Variants in COL11A1 observed in about 807,000 individuals in gnomAD.
COL11A1 encodes the protein collagen alpha-1(XI) chain.
A neutral mutation model predicts 265.2 loss-of-function variants in COL11A1; 74 were observed. The ratio of observed to expected loss-of-function variants is 0.28; its 90% CI spans 0.23 to 0.34. The LOEUF (loss-of-function observed/expected upper bound fraction) is 0.34. COL11A1 is among the 10% of genes least tolerant of loss of function. The probability of loss-of-function intolerance (pLI) is 1.00; values close to 1 mark genes in which losing one functional copy is unlikely to be tolerated. For missense variants in COL11A1, 2,165 were observed against 2,263.6 expected (o/e 0.96, Z 0.88); for synonymous variants, 816 against 727.6 (o/e 1.12, Z -1.96).
rs772411526 is a variant in COL11A1 at position 103,025,532 on chromosome 1, C to T, written c.979G>A (p.Gly327Arg). ...YQTEAPRHVS[G>R]TNEPNPVEEI... ...TCTATACGTATTACCTCATTTGTCC[C>T]AGAAACATGCCTAGGAGCTTCTGTC... The change falls in exon 7 of 67, where the codon GGG (glycine) becomes AGG (arginine). Residue 327 changes from glycine to arginine, a missense_variant. By Grantham distance (125) the Gly-to-Arg change is moderately radical. Transcript: ENST00000370096. 2 of 1,612,280 alleles carry T rather than the reference C, an allele frequency of 1.2e-6. No homozygotes were observed. Among genetic ancestry groups the T allele is most frequent in the Non-Finnish European group, 1.7e-6 (2 of 1,178,654 alleles).
At chr1:103,044,233 G>A (rs899049549) in intron 4 of COL11A1, among the ~76,000 whole-genome samples, 1 of 150,156 alleles carries the variant, frequency 6.7e-6, no homozygotes, top group African/African-American at 2.5e-5. Context: ...CTGTGGTAAA[G>A]GAAAGTTGCC....
chr1:103,012,341 C>T (rs991147523), intron 14 of COL11A1, 72 bp downstream of exon 14: 4 of 1,114,438 alleles, frequency 3.6e-6, no homozygotes, highest in African/African-American at 3.1e-5. Flanking sequence ...TGCACAATCC[C>T]TGGAAGAAGT....
At chr1:102,939,736 T>C (rs1658526152) in intron 43 of COL11A1, among the ~76,000 whole-genome samples, 1 of 151,910 alleles carries the variant, frequency 6.6e-6, no homozygotes, top group South Asian at 2.1e-4. Context: ...AAAAACAAAA[T>C]AATGGAAAAA....
chr1:102,936,312 A>G (rs1658137928), intron 44 of COL11A1, among the ~76,000 whole-genome samples: 1 of 151,850 alleles, frequency 6.6e-6, no homozygotes, highest in Admixed American at 6.6e-5. Context: ...ATGGAACACT[A>G]ACTTTTACAT....
chr1:102,970,380 AT>A, intron 36 of COL11A1, 108 bp from the exon 37 acceptor site: 2 of 781,248 alleles, frequency 2.6e-6, no homozygotes, highest in Non-Finnish European at 4.2e-6. Flanking sequence ...TCCATTAGCT[AT>A]TTTACTTTGC....
rs200465040 is a variant in COL11A1 at position 102,914,733 on chromosome 1, G to A, written c.3895C>T (p.Pro1299Ser). The A allele has an allele frequency of 1.9e-6, 3 of 1,613,026 alleles. No individual in the cohort carries two copies. The highest frequency in any genetic ancestry group is 1.7e-5 in the Admixed American group (1 of 59,934). Residue 1299 changes from proline (P) to serine (S), a missense_variant, in exon 51 of 67, where the codon CCA becomes TCA. Transcript: ENST00000370096. ...AAGPPGAKGP[P>S]GDDGPKGNPG... ...TTACCCTTAGGGCCATCATCACCTG[G>A]TGGCCCCTTGGCACCTGGAGGTCCA...
At position 102,898,713 on chromosome 1, in the gene COL11A1, C is replaced by A; in HGVS notation, c.4201G>T (p.Ala1401Ser). 1.2e-6 allele frequency: 2 copies of A among 1,612,930 alleles called. No homozygotes were observed. ...AGACCTTCTGGACCAGGCTTTCCTG[C>A]AGGTCCCTGAGGACCGACTGGGCCG... ...KTGPVGPQGP[A>S]GKPGPEGLRG... Residue 1401 changes from alanine to serine, a missense_variant, in exon 56 of 67, where the codon GCA (alanine) becomes TCA (serine). Transcript: ENST00000370096.
intron 2 of COL11A1, among the ~76,000 whole-genome samples, chr1:103,081,359 A>T (rs977778139): frequency 1.3e-5 from 2 of 151,856 alleles, no homozygotes; most frequent in Non-Finnish European, 2.9e-5. Context: ...TTTTCTATTA[A>T]GGATGCTTTA....
At chr1:102,999,600 A>G (rs1177395281) in intron 24 of COL11A1, among the ~76,000 whole-genome samples, 2 of 151,812 alleles carry the variant, frequency 1.3e-5, no homozygotes, top group Non-Finnish European at 2.9e-5. Context: ...ATAATATATT[A>G]TCTATTTTAG....
intron 54 of COL11A1, among the ~76,000 whole-genome samples, chr1:102,904,985 A>G (rs1653739182): frequency 6.6e-6 from 1 of 152,082 alleles, no homozygotes; most frequent in South Asian, 2.1e-4. Flanking sequence ...AATGTCTGAC[A>G]ACAATAGACT....
intron 47 of COL11A1, among the ~76,000 whole-genome samples, chr1:102,922,946 T>C (rs1656159528): frequency 6.6e-6 from 1 of 152,210 alleles, no homozygotes; most frequent in Non-Finnish European, 1.5e-5. Context: ...ATTATTTTCT[T>C]ATCTAAGGTA....
At position 102,968,255 on chromosome 1, in the gene COL11A1, A is replaced by G. The variant is rs75070879; in HGVS notation, c.2862+1964T>C. Among the ~76,000 whole-genome samples, 765 of 152,350 alleles carry G rather than the reference A, an allele frequency of 5.0e-3. 7 individuals carry two copies. Among genetic ancestry groups the G allele is most frequent in the African/African-American group, 0.017 (717 of 41,586 alleles). ...AAATTAATTGGACATATTCATGGGT[A>G]GTTTGAAAAATATGCTGTTACAATC... On this transcript the variant is annotated intron_variant, in intron 37 of 66. Transcript: ENST00000370096.
intron 4 of COL11A1, among the ~76,000 whole-genome samples, chr1:103,052,614 T>C (rs988871493): frequency 3.3e-5 from 5 of 152,204 alleles, no homozygotes; most frequent in African/African-American, 1.2e-4. Context: ...TGACACATAA[T>C]GTTTATTTTA....
intron 63 of COL11A1, 84 bp from the exon 64 acceptor site, chr1:102,883,395 A>G: frequency 3.4e-6 from 3 of 882,320 alleles, no homozygotes; most frequent in Non-Finnish European, 5.7e-6. Context: ...TGTTAGAAAG[A>G]GAAATAAGGA....
chr1:102,908,672 G>A (rs1008686910), intron 54 of COL11A1, among the ~76,000 whole-genome samples: 14 of 151,398 alleles, frequency 9.2e-5, no homozygotes, highest in African/African-American at 3.2e-4. Context: ...TACAAATAAG[G>A]TTTACATATA....
At chr1:102,881,586 A>C in intron 65 of COL11A1, 111 bp downstream of exon 65, 1 of 867,332 alleles carries the variant, frequency 1.2e-6, no homozygotes, top group Non-Finnish European at 1.9e-6. Context: ...ACCACAGGGA[A>C]TCCTCATTTA....
chr1:102,931,313 A>C (rs1657409107), intron 46 of COL11A1, among the ~76,000 whole-genome samples: 1 of 150,624 alleles, frequency 6.6e-6, no homozygotes, highest in South Asian at 2.1e-4. Flanking sequence ...CATTGGTTTC[A>C]AAGAACATCT....
chr1:102,916,862 T>C (rs186117938), intron 49 of COL11A1, among the ~76,000 whole-genome samples: 1 of 152,054 alleles, frequency 6.6e-6, no homozygotes, highest in East Asian at 1.9e-4. Flanking sequence ...TAAAGAGAGG[T>C]ATCATTCATC....
chr1:103,097,893 TAC>T (rs1673912241), intron 1 of COL11A1, among the ~76,000 whole-genome samples: 2 of 152,116 alleles, frequency 1.3e-5, no homozygotes, highest in African/African-American at 2.4e-5. Context: ...ATTTAACTTT[TAC>T]AGTTATTGAA....
Sources: gnomAD v4.1 joint callset for allele counts (sites outside exome capture counted in the v4.1 genomes callset) on GRCh38, gnomAD v4.1.1 for gene constraint, MANE v1.5 for transcripts, NCBI Gene and HGNC (gene_info 2026-07-23, HGNC 2026-07-21) for gene names.